Variants in CHIC1 observed in about 807,000 individuals in gnomAD.
CHIC1 encodes cysteine-rich hydrophobic domain-containing protein 1.
CHIC1 carries 7 observed loss-of-function variants against 18.5 expected under a neutral mutation model. That is an observed-to-expected ratio of 0.38 (90% CI 0.22 to 0.71). The LOEUF is 0.71. Ranked by LOEUF, CHIC1 falls within the 30% of genes least tolerant of loss-of-function variation. The pLI is 0.49. For missense variants in CHIC1, 159 were observed against 176.9 expected (o/e 0.90, Z 0.57); for synonymous variants, 77 against 73.5 (o/e 1.05, Z -0.25).
At chrX:73,591,483 T>G (rs2062519754) in intron 3 of CHIC1, among the ~76,000 whole-genome samples, 1 of 111,691 alleles carries the variant, frequency 9.0e-6, no homozygotes, top group Non-Finnish European at 1.9e-5. Context: ...CTACAAAGTA[T>G]GTGTTTTGCA....
intron 2 of CHIC1, among the ~76,000 whole-genome samples, chrX:73,582,469 C>CT (rs756236067): frequency 0.051 from 5,252 of 103,466 alleles, 319 homozygotes; most frequent in African/African-American, 0.16. Context: ...CTTGATTTTT[C>CT]TTTTTTTTTT....
Position 73,633,288 on chromosome X carries a change from G to T in CHIC1, c.508-46038G>T, listed in dbSNP as rs184880747. On this transcript the variant is annotated intron_variant, in intron 3 of 5. Coordinates refer to ENST00000373502, the MANE Select transcript of CHIC1 (RefSeq NM_001039840.4). The stretch of plus-strand genomic sequence containing the variant: ...TTATCTCCTTCATTTCTAAAGGACA[G>T]CTTTACTAGGTACAGTATTATTGAT... Among the ~76,000 whole-genome samples the T allele has an allele frequency of 5.5e-3, 585 of 106,559 alleles. 1 individual carries two copies. The highest frequency in any genetic ancestry group is 0.02 in the African/African-American group (567 of 29,008). The allele number at this position is 106,559 out of a possible 115,157, so 92.5% of individuals were successfully genotyped here.
intron 3 of CHIC1, among the ~76,000 whole-genome samples, chrX:73,658,572 TA>T (rs974766095): frequency 1.3e-4 from 14 of 108,422 alleles, no homozygotes; most frequent in Admixed American, 2.0e-4. Flanking sequence ...TTTTATTATT[TA>T]AAAAAAAATC....
chrX:73,656,166 AGTTT>A (rs1327674315), intron 3 of CHIC1, among the ~76,000 whole-genome samples: 1 of 110,635 alleles, frequency 9.0e-6, no homozygotes, highest in African/African-American at 3.3e-5. Flanking sequence ...TCTCTTGTTA[AGTTT>A]GTTTAAGGTC....
intron 3 of CHIC1, among the ~76,000 whole-genome samples, chrX:73,607,856 T>A (rs1213199998): frequency 9.3e-6 from 1 of 107,828 alleles, no homozygotes; most frequent in Non-Finnish European, 1.9e-5. Context: ...AGCCGGGTAC[T>A]TTAGTTGGAA....
chrX:73,598,555 C>G (rs2057623844), intron 3 of CHIC1, among the ~76,000 whole-genome samples: 1 of 96,356 alleles, frequency 1.0e-5, no homozygotes, highest in African/African-American at 3.9e-5. Flanking sequence ...TTGTTCAGTT[C>G]CCACCTATGA....
chrX:73,648,341 G>C (rs1421757711), intron 3 of CHIC1, among the ~76,000 whole-genome samples: 1 of 111,973 alleles, frequency 8.9e-6, no homozygotes, highest in Non-Finnish European at 1.9e-5. Context: ...CTCTAGCAAG[G>C]ACACAGAACT....
At chrX:73,603,901 G>C (rs1289735278) in intron 3 of CHIC1, among the ~76,000 whole-genome samples, 1 of 108,739 alleles carries the variant, frequency 9.2e-6, no homozygotes, top group Non-Finnish European at 1.9e-5. Flanking sequence ...GATTCGGTTT[G>C]CCAGTATTTT....
At chrX:73,576,114 C>T (rs1477069786) in intron 1 of CHIC1, among the ~76,000 whole-genome samples, 9 of 109,479 alleles carry the variant, frequency 8.2e-5, no homozygotes, top group Non-Finnish European at 1.2e-4. Flanking sequence ...ACAATAATCA[C>T]GGAGCTGTCA....
intron 3 of CHIC1, among the ~76,000 whole-genome samples, chrX:73,641,553 C>T (rs1276484934): frequency 9.1e-6 from 1 of 110,440 alleles, no homozygotes; most frequent in African/African-American, 3.3e-5. Flanking sequence ...TTTTAGGGTA[C>T]ATGTGCATAA....
chrX:73,571,928 A>G (rs2057472450), intron 1 of CHIC1, among the ~76,000 whole-genome samples: 2 of 110,985 alleles, frequency 1.8e-5, no homozygotes, highest in African/African-American at 6.5e-5. Flanking sequence ...ATACAAGGAC[A>G]GTATGAAATT....
intron 3 of CHIC1, among the ~76,000 whole-genome samples, chrX:73,673,768 A>G (rs984280025): frequency 1.8e-5 from 2 of 111,855 alleles, no homozygotes; most frequent in Non-Finnish European, 3.8e-5. Flanking sequence ...TGCCCTGGCC[A>G]GAACTTCCAA....
At chrX:73,628,087 AGGAGCTAGGTCCTGGAACG>A (rs1197212926) in intron 3 of CHIC1, among the ~76,000 whole-genome samples, 1 of 111,741 alleles carries the variant, frequency 8.9e-6, no homozygotes, top group Admixed American at 9.5e-5. Context: ...AGAAATGTCT[AGGAGCTAGGTCCTGGAACG>A]GGAGCCTCAC....
chrX:73,567,551 C>G (rs188963545), intron 1 of CHIC1, among the ~76,000 whole-genome samples: 130 of 111,305 alleles, frequency 1.2e-3, no homozygotes, highest in African/African-American at 4.1e-3. Flanking sequence ...ACTACCCTAG[C>G]TAGTCATGTT....
chrX:73,611,589 C>T (rs1272508144), intron 3 of CHIC1, among the ~76,000 whole-genome samples: 2 of 107,894 alleles, frequency 1.9e-5, no homozygotes, highest in East Asian at 5.6e-4. Flanking sequence ...CCTGAGGAAT[C>T]GCCACACTGA....
At chrX:73,589,339 T>C (rs2057569584) in intron 3 of CHIC1, among the ~76,000 whole-genome samples, 1 of 111,181 alleles carries the variant, frequency 9.0e-6, no homozygotes, top group Non-Finnish European at 1.9e-5. Flanking sequence ...CTCAATTCCT[T>C]CATTACTTAT....
chrX:73,614,563 C>T (rs2057723725), intron 3 of CHIC1, among the ~76,000 whole-genome samples: 1 of 110,693 alleles, frequency 9.0e-6, no homozygotes, highest in African/African-American at 3.3e-5. Context: ...TTTTTTCTTA[C>T]TCTTTTTTTC....
At chrX:73,632,008 T>G (rs1295429494) in intron 3 of CHIC1, among the ~76,000 whole-genome samples, 2 of 112,261 alleles carry the variant, frequency 1.8e-5, no homozygotes, top group Non-Finnish European at 3.8e-5. Flanking sequence ...TGTATTCTGC[T>G]GTTGTTGGAT....
Position 73,658,985 on chromosome X carries a change from G to A in CHIC1, c.508-20341G>A, listed in dbSNP as rs1009101775. On this transcript the variant is annotated intron_variant, in intron 3 of 5. Coordinates refer to ENST00000373502, the MANE Select transcript of CHIC1 (RefSeq NM_001039840.4). The stretch of plus-strand genomic sequence containing the variant: ...GGACCAGGCCACCCACAGACACTGA[G>A]GAGGGTGCCATAAAGAGTCCCAGCA... Among the ~76,000 whole-genome samples the A allele has an allele frequency of 3.6e-5, 4 of 111,871 alleles. No individual in the cohort carries two copies. The East Asian group carries it at 1.1e-3, about 32-fold the overall frequency.
Sources: allele counts gnomAD v4.1 joint callset (sites outside exome capture counted in the v4.1 genomes callset), GRCh38; gene constraint gnomAD v4.1.1; transcripts MANE v1.5; gene names NCBI Gene and HGNC (gene_info 2026-07-23, HGNC 2026-07-21).